TMEM63A: variants seen among roughly 807,000 people sequenced by gnomAD.
The protein encoded by TMEM63A is mechanosensitive cation channel TMEM63A.
Under a neutral mutation model 100.6 loss-of-function variants are expected in TMEM63A, and 76 were observed. The ratio of observed to expected loss-of-function variants is 0.76; its 90% CI spans 0.63 to 0.91. The LOEUF is 0.91. Among genes scored for constraint, TMEM63A ranks in the 40% least tolerant of loss-of-function variants. The pLI, the probability that TMEM63A is intolerant of heterozygous loss-of-function variation, is 0.00. For synonymous variants in TMEM63A, 401 were observed against 401.1 expected (o/e 1.00, Z 0.00); for missense variants, 876 against 1,008.8 (o/e 0.87, Z 1.78).
At chr1:225,854,600 G>C (rs1165333196) in intron 18 of TMEM63A, among the ~76,000 whole-genome samples, 1 of 152,204 alleles carries the variant, frequency 6.6e-6, no homozygotes, top group African/African-American at 2.4e-5. Context: ...GAGGGTAAAA[G>C]TCGAGAGTTT....
intron 10 of TMEM63A, among the ~76,000 whole-genome samples, chr1:225,863,610 C>T (rs1576093839): frequency 6.6e-6 from 1 of 152,086 alleles, no homozygotes; most frequent in Non-Finnish European, 1.5e-5. Context: ...CAGAAAATAT[C>T]TACACACATA....
chr1:225,872,851 G>T (rs1252112208), intron 4 of TMEM63A, among the ~76,000 whole-genome samples: 1 of 151,960 alleles, frequency 6.6e-6, no homozygotes, highest in East Asian at 1.9e-4. Context: ...CCGCCACCAT[G>T]CCTGGCTAAT....
In TMEM63A at chr1:225,867,086, C is replaced by T. The variant is rs1670252956; in HGVS notation, c.566+26G>A. 1 of 1,613,962 alleles carries T rather than the reference C, an allele frequency of 6.2e-7. No homozygotes were observed. The highest frequency in any genetic ancestry group is 2.2e-5 in the East Asian group (1 of 44,872). ...TTCTCCTTGATCTCACCCATCAGCA[C>T]CTATCCCCACGGGCTCCATACTCAC... is the stretch of plus-strand genomic sequence containing the variant. On this transcript the variant is annotated intron_variant, in intron 8 of 24. Coordinates refer to ENST00000366835, the MANE Select transcript of TMEM63A (RefSeq NM_014698.3). The surrounding 1 kb of genome is among the most constrained non-coding windows in gnomAD (Gnocchi z 4.6).
In TMEM63A at chr1:225,862,327, G is replaced by A. The variant is rs374327294; in HGVS notation, c.976C>T (p.Arg326Trp). 3.9e-5 allele frequency: 63 copies of A among 1,614,076 alleles called. No individual in the cohort carries two copies. The highest frequency in any genetic ancestry group is 3.3e-4 in the Middle Eastern group (2 of 6,084). ...CTCTCCAGCAGCCTGTCCTTCATCC[G>A]TGTGTAGTAAGAGATGGCGTCTTCC... ...EWEDAISYYT[R>W]MKDRLLERIT... The change falls in exon 13 of 25, where the codon CGG (arginine) becomes TGG (tryptophan). Residue 326 changes from arginine (R) to tryptophan (W), a missense_variant. Arg to Trp is a moderately radical substitution (Grantham distance 101). This residue lies in a region of TMEM63A where 487 missense variants were observed against 581.9 expected (regional missense o/e 0.84). Coordinates refer to ENST00000366835, the MANE Select transcript of TMEM63A (RefSeq NM_014698.3). This position sits in a 1 kb window ranked among gnomAD's most constrained non-coding sequence, Gnocchi z 5.1.
At chr1:225,874,494 G>C (rs895917909) in intron 3 of TMEM63A, 127 bp from the exon 4 acceptor site, 4 of 756,136 alleles carry the variant, frequency 5.3e-6, no homozygotes, top group Non-Finnish European at 8.5e-6. Context: ...CCCAGGCCCA[G>C]AGAGGGCACT....
At position 225,862,902 on chromosome 1, in the gene TMEM63A, C is replaced by A. The variant is rs369523636; in HGVS notation, c.747-51G>T. 11 of 1,560,410 alleles carry A rather than the reference C, an allele frequency of 7.0e-6. No individual in the cohort carries two copies. In the East Asian group the frequency reaches 1.4e-4, roughly 20 times the overall value. On this transcript the variant is annotated intron_variant, in intron 10 of 24. Coordinates refer to ENST00000366835, the MANE Select transcript of TMEM63A (RefSeq NM_014698.3). The surrounding 1 kb of genome is among the most constrained non-coding windows in gnomAD (Gnocchi z 5.1). ...AAAGACACCGTTGGAAAAGAAAACACCCCAAGCAGGAGACGTGCCCACGGA... is the reference window on the plus strand; with the variant it reads ...AAAGACACCGTTGGAAAAGAAAACAACCCAAGCAGGAGACGTGCCCACGGA...
At chr1:225,855,002 G>A (rs1669546725) in intron 18 of TMEM63A, among the ~76,000 whole-genome samples, 1 of 152,218 alleles carries the variant, frequency 6.6e-6, no homozygotes, top group Admixed American at 6.5e-5. Context: ...CACTGGACTT[G>A]TCAATCTGAA....
At chr1:225,844,193 C>T (rs148633586), downstream of TMEM63A, among the ~76,000 whole-genome samples, 18 of 150,216 alleles carry the variant, frequency 1.2e-4, no homozygotes, top group Admixed American at 7.3e-4. Flanking sequence ...AGCAGTTTCA[C>T]GGTGCAGGGG....
At chr1:225,876,063 CAAAAAAAAAAAAAAA>C (rs532420561) in intron 3 of TMEM63A, among the ~76,000 whole-genome samples, 26 of 32,914 alleles carry the variant, frequency 7.9e-4, no homozygotes, top group East Asian at 5.0e-3. Flanking sequence ...GACCTTGTCT[CAAAAAAAAAAAAAAA>C]AAAAAAAAAA....
In TMEM63A at chr1:225,866,615, GCATGAAACC is replaced by G. The variant is rs1249137352; in HGVS notation, c.625_633del (p.Gly209_Met211del). On this transcript the variant is annotated inframe_deletion, in exon 9 of 25. Transcript: ENST00000366835. ...TACTTAATGGACTGAGTGTGGTGCC[GCATGAAACC>G]CACAGTGAGGAAGAGGTAAATGACA... The G allele has an allele frequency of 1.2e-6, 2 of 1,613,814 alleles. No homozygotes were observed. The highest frequency in any genetic ancestry group is 2.7e-5 in the African/African-American group (2 of 74,900).
At chr1:225,840,681 T>C (rs1668322412), downstream of TMEM63A, among the ~76,000 whole-genome samples, 1 of 152,170 alleles carries the variant, frequency 6.6e-6, no homozygotes, top group East Asian at 1.9e-4. Flanking sequence ...CGCATTACCC[T>C]CAGTTCTTTA....
At chr1:225,871,872 G>T (rs538119983) in intron 5 of TMEM63A, 115 bp downstream of exon 5, 4 of 781,816 alleles carry the variant, frequency 5.1e-6, no homozygotes, top group African/African-American at 1.8e-5. Context: ...CGTCGATGCA[G>T]AAAAGCACTT....
chr1:225,844,380 A>G, downstream of TMEM63A: 1 of 1,474,208 alleles, frequency 6.8e-7, no homozygotes, highest in Non-Finnish European at 9.5e-7. Flanking sequence ...ACGTTGCATG[A>G]GGTCTGAGGA....
chr1:225,878,470 C>A (rs1670922779), intron 2 of TMEM63A, among the ~76,000 whole-genome samples: 1 of 152,128 alleles, frequency 6.6e-6, no homozygotes, highest in Non-Finnish European at 1.5e-5. Context: ...ATTTCCAAAG[C>A]AAACACTGCT....
Position 225,857,379 on chromosome 1 carries a change from CGGGGCGG to C in TMEM63A, c.1378-369_1378-363del, listed in dbSNP as rs1249201978. ...ACCGAAGGCCTGGAGTCCTGGCCGG[CGGGGCGG>C]GGGGGGGGGGGTGCCCTGCCTGCTC... is the stretch of plus-strand genomic sequence containing the variant. On this transcript the variant is annotated intron_variant, in intron 15 of 24. Coordinates refer to ENST00000366835, the MANE Select transcript of TMEM63A (RefSeq NM_014698.3). Among the ~76,000 whole-genome samples the C allele has an allele frequency of 1.4e-3, 160 of 112,754 alleles. 18 individuals are homozygous for C. The highest frequency in any genetic ancestry group is 4.8e-3 in the African/African-American group (110 of 22,828). The allele number at this position is 112,754 out of a possible 152,430, so 74.0% of individuals were successfully genotyped here. A position where few individuals can be genotyped will look rare whatever the true frequency, so the allele number is the denominator to read the frequency against.
Position 225,847,182 on chromosome 1 carries a change from G to A in TMEM63A, c.2282C>T (p.Ala761Val). The change falls in exon 24 of 25, where the codon GCC becomes GTC. Residue 761 changes from alanine to valine, a missense_variant. This residue lies in a region of TMEM63A where 339 missense variants were observed against 342.3 expected (regional missense o/e 0.99). Coordinates refer to ENST00000366835, the MANE Select transcript of TMEM63A (RefSeq NM_014698.3). ...PYVPRILNGL[A>V]SERTALSPQQ... The stretch of plus-strand genomic sequence containing the variant: ...CGGAGACAGTGCTGTCCTCTCCGAG[G>A]CCAAGCCGTTCAGAATCCGAGGCAC... The A allele has an allele frequency of 3.1e-6, 5 of 1,613,364 alleles. No individual in the cohort carries two copies. The highest frequency in any genetic ancestry group is 3.3e-4 in the Middle Eastern group (2 of 6,060).
intron 14 of TMEM63A, chr1:225,860,041 G>C (rs1266520628): frequency 1.3e-5 from 2 of 153,264 alleles, no homozygotes; most frequent in African/African-American, 4.8e-5. Context: ...AAGGAGGAAG[G>C]CAGGGACAAA....
chr1:225,845,117 C>T (rs1258166302), downstream of TMEM63A: 6 of 1,613,110 alleles, frequency 3.7e-6, no homozygotes, highest in Non-Finnish European at 4.2e-6. Context: ...GCCACAGCCT[C>T]ACCCCTCCGT....
chr1:225,850,594 C>T (rs1220876972), intron 20 of TMEM63A, among the ~76,000 whole-genome samples: 1 of 152,168 alleles, frequency 6.6e-6, no homozygotes, highest in Non-Finnish European at 1.5e-5. Flanking sequence ...TACTCGAGAC[C>T]TTTGTCATTT....
Sources: allele counts gnomAD v4.1 joint callset (sites outside exome capture counted in the v4.1 genomes callset), GRCh38; gene constraint gnomAD v4.1.1; regional missense constraint gnomAD v4.1.1; non-coding constraint Gnocchi (gnomAD v3.1); transcripts MANE v1.5; gene names NCBI Gene and HGNC (gene_info 2026-07-23, HGNC 2026-07-21).